The following RNF182 variants were observed in gnomAD, a reference collection of about 807,000 sequenced individuals.
The protein encoded by RNF182 is E3 ubiquitin-protein ligase RNF182.
Under a neutral mutation model 14.4 loss-of-function variants are expected in RNF182, and 15 were observed. That is an observed-to-expected ratio of 1.04 (90% CI 0.70 to 1.60). The LOEUF (loss-of-function observed/expected upper bound fraction) is 1.60. Ranked by LOEUF, RNF182 falls within the 40% of genes most tolerant of loss-of-function variation. RNF182 has a pLI of 0.00. For missense variants in RNF182, 268 were observed against 294.8 expected, an observed-to-expected ratio of 0.91 and a Z score of 0.67; for synonymous variants, 128 against 122.9, an observed-to-expected ratio of 1.04 and a Z score of -0.27.
intron 1 of RNF182, among the ~76,000 whole-genome samples, chr6:13,967,227 A>G (rs900906242): frequency 6.6e-6 from 1 of 152,224 alleles, no homozygotes; most frequent in Non-Finnish European, 1.5e-5. Context: ...AGTCAATAGA[A>G]CAAGTAATAT....
chr6:13,968,125 G>A (rs959504276), intron 1 of RNF182, among the ~76,000 whole-genome samples: 1 of 152,114 alleles, frequency 6.6e-6, no homozygotes, highest in African/African-American at 2.4e-5. Context: ...GAAATTAAAA[G>A]TAACAGAAAG....
chr6:13,943,430 G>A (rs1256347924), intron 1 of RNF182, among the ~76,000 whole-genome samples: 4 of 152,020 alleles, frequency 2.6e-5, no homozygotes, highest in Non-Finnish European at 4.4e-5. Flanking sequence ...TGAAGTCCAT[G>A]TTTTTTTGAT....
At chr6:13,935,194 T>C (rs9475816) in intron 1 of RNF182, among the ~76,000 whole-genome samples, 48,014 of 152,080 alleles carry the variant, frequency 0.32, 8,211 homozygotes, top group East Asian at 0.61. Context: ...ATGTCAATAG[T>C]CCAGGTGAGA....
intron 1 of RNF182, among the ~76,000 whole-genome samples, chr6:13,946,140 C>CTATTATT (rs10525203): frequency 2.9e-5 from 4 of 137,414 alleles, no homozygotes; most frequent in African/African-American, 5.4e-5. Context: ...TAAAGCAAAA[C>CTATTATT]ATTATTATTA....
chr6:13,958,334 C>T lies in RNF182; in HGVS notation c.-366-15876C>T, dbSNP rs1485547687. Among the ~76,000 whole-genome samples the T allele has an allele frequency of 2.0e-5, 3 of 151,810 alleles. No homozygotes were observed. In the East Asian group the frequency reaches 5.8e-4, roughly 29 times the overall value. ...CCGGGAGAGGGAGGTTGCAGTGAGC[C>T]GAGATTGCACCACTGCACTCCAGCC... On this transcript the variant is annotated intron_variant, in intron 1 of 2. Transcript: ENST00000488300.
At chr6:13,933,314 A>C (rs1232643915) in intron 1 of RNF182, among the ~76,000 whole-genome samples, 2 of 152,182 alleles carry the variant, frequency 1.3e-5, no homozygotes, top group African/African-American at 2.4e-5. Context: ...CCAGGAGTTC[A>C]AGACCAGCTT....
chr6:13,955,756 A>G (rs1585040631), intron 1 of RNF182, among the ~76,000 whole-genome samples: 1 of 152,090 alleles, frequency 6.6e-6, no homozygotes, highest in Non-Finnish European at 1.5e-5. Flanking sequence ...ACCATTTTTT[A>G]AAAGTTTTAT....
intron 1 of RNF182, among the ~76,000 whole-genome samples, chr6:13,941,997 C>T (rs1759312177): frequency 6.6e-6 from 1 of 152,046 alleles, no homozygotes; most frequent in African/African-American, 2.4e-5. Flanking sequence ...GGAAGAACTC[C>T]CTTTAGTATT....
chr6:13,943,801 A>G (rs186188425), intron 1 of RNF182, among the ~76,000 whole-genome samples: 195 of 152,322 alleles, frequency 1.3e-3, no homozygotes, highest in Middle Eastern at 6.8e-3. Flanking sequence ...CCGGAGCTTA[A>G]CTGAACTGAA....
upstream of RNF182, chr6:13,924,604 T>TG (rs1300147907): frequency 9.9e-5 from 15 of 152,022 alleles, no homozygotes; most frequent in South Asian, 2.5e-3. Flanking sequence ...AGGGTGTCTG[T>TG]GGGGGGGATG....
rs1162165151 is a variant in RNF182 at position 13,978,867 on chromosome 6, GA to G, written c.*1005del. Reference sequence around the variant, plus strand: ...GCAATGAAAACCAGAAACAGTTAATGAGATGCTTCAGCTCACAGTTTGAAGT... The same window carrying G: ...GCAATGAAAACCAGAAACAGTTAATGGATGCTTCAGCTCACAGTTTGAAGT... On this transcript the variant is annotated 3_prime_UTR_variant, in exon 3 of 3. Coordinates refer to ENST00000488300, the MANE Select transcript of RNF182 (RefSeq NM_152737.4). The G allele has an allele frequency of 1.8e-5, 3 of 167,074 alleles. No individual in the cohort carries two copies. The highest frequency in any genetic ancestry group is 7.2e-5 in the African/African-American group (3 of 41,444). 10.3% of individuals were successfully genotyped at this position (167,074 alleles called of 1,614,324 possible). A position where few individuals can be genotyped will look rare whatever the true frequency, so the allele number is the denominator to read the frequency against.
chr6:13,968,523 C>T (rs1248224664), intron 1 of RNF182, among the ~76,000 whole-genome samples: 2 of 152,050 alleles, frequency 1.3e-5, no homozygotes, highest in Non-Finnish European at 2.9e-5. Flanking sequence ...TTAAACTGTT[C>T]CAGAAGATGA....
chr6:13,951,996 C>G (rs1585038704), intron 1 of RNF182, among the ~76,000 whole-genome samples: 1 of 152,186 alleles, frequency 6.6e-6, no homozygotes, highest in South Asian at 2.1e-4. Flanking sequence ...CTTTGATCCA[C>G]TTAAAGTGGG....
rs1376478515 is a variant in RNF182, at chr6:13,974,328, A to G, written c.-248A>G. ...GGACTTGATGAAGGCTTTCCTGCTGATGGAATAGGTTTGCTAGAGCTGGCC... is the reference window on the plus strand; with the variant it reads ...GGACTTGATGAAGGCTTTCCTGCTGGTGGAATAGGTTTGCTAGAGCTGGCC... On this transcript the variant is annotated 5_prime_UTR_variant, in exon 2 of 3. An upstream start codon of the reference 5' UTR is lost. Transcript: ENST00000488300. 1.3e-5 allele frequency: 2 copies of G among 152,146 alleles called. No individual in the cohort carries two copies. Among genetic ancestry groups the G allele is most frequent in the South Asian group, 2.1e-4 (1 of 4,828 alleles). The allele number at this position is 152,146 out of a possible 1,614,324, so 9.4% of individuals were successfully genotyped here. A position where few individuals can be genotyped will look rare whatever the true frequency, so the allele number is the denominator to read the frequency against.
intron 1 of RNF182, among the ~76,000 whole-genome samples, chr6:13,947,759 A>G (rs775083632): frequency 5.9e-5 from 9 of 152,186 alleles, no homozygotes; most frequent in Non-Finnish European, 1.2e-4. Flanking sequence ...AATTGGCTCT[A>G]TAAATGAATT....
chr6:13,933,847 G>A (rs758495642), intron 1 of RNF182, among the ~76,000 whole-genome samples: 14 of 151,878 alleles, frequency 9.2e-5, no homozygotes, highest in Non-Finnish European at 1.8e-4. Flanking sequence ...GTGAAACCCC[G>A]TCTCCACTAA....
chr6:13,973,214 A>G (rs746305229), intron 1 of RNF182, among the ~76,000 whole-genome samples: 2 of 152,170 alleles, frequency 1.3e-5, no homozygotes, highest in Non-Finnish European at 2.9e-5. Flanking sequence ...TATTTATCCA[A>G]TGCCTGTACC....
chr6:13,942,641 C>A (rs1759327043), intron 1 of RNF182, among the ~76,000 whole-genome samples: 1 of 152,148 alleles, frequency 6.6e-6, no homozygotes, highest in African/African-American at 2.4e-5. Context: ...CACCCCTGGC[C>A]AGTTTTAGAA....
intron 1 of RNF182, among the ~76,000 whole-genome samples, chr6:13,944,139 G>A (rs180818641): frequency 3.9e-4 from 59 of 152,256 alleles, no homozygotes; most frequent in African/African-American, 1.3e-3. Flanking sequence ...AGGTCCTTGA[G>A]GAACTGTTTC....
Sources: gnomAD v4.1 joint callset for allele counts (sites outside exome capture counted in the v4.1 genomes callset) on GRCh38, gnomAD v4.1.1 for gene constraint, MANE v1.5 for transcripts, NCBI Gene and HGNC (gene_info 2026-07-23, HGNC 2026-07-21) for gene names.